The following RAB40B variants were observed in gnomAD, a reference collection of about 807,000 sequenced individuals.
RAB40B encodes the protein ras-related protein Rab-40B.
Under a neutral mutation model 24.0 loss-of-function variants are expected in RAB40B, and 21 were observed. The observed-to-expected ratio is 0.88, with a 90% CI of 0.62 to 1.26. RAB40B has a LOEUF of 1.26. RAB40B is among the 50% of genes most tolerant of loss of function. The pLI, the probability that RAB40B is intolerant of heterozygous loss-of-function variation, is 0.00. For missense variants in RAB40B, 348 were observed against 390.5 expected (o/e 0.89, Z 0.92); for synonymous variants, 167 against 169.8 (o/e 0.98, Z 0.13).
In RAB40B at chr17:82,663,741, G is replaced by A. The variant is rs749846155; in HGVS notation, c.203+755C>T. On this transcript the variant is annotated intron_variant, in intron 2 of 5. Coordinates refer to ENST00000571995, the MANE Select transcript of RAB40B (RefSeq NM_006822.3). The surrounding 1 kb of genome is among the most constrained non-coding windows in gnomAD (Gnocchi z 6.2). ...GCTCAGTGGCATCACTGAGCCAGGC[G>A]TGGGGGACCCAGGAGCCCCGGGCTG... is the stretch of plus-strand genomic sequence containing the variant. 9.2e-5 allele frequency among the ~76,000 whole-genome samples: 14 copies of A among 152,148 alleles called. No individual in the cohort carries two copies. The highest frequency in any genetic ancestry group is 8.8e-5 in the Non-Finnish European group (6 of 68,006).
intron 1 of RAB40B, among the ~76,000 whole-genome samples, chr17:82,689,480 A>C (rs140608099): frequency 2.6e-5 from 4 of 152,262 alleles, no homozygotes; most frequent in African/African-American, 9.6e-5. Flanking sequence ...GGGGTTACAG[A>C]AGTAACAGGT....
chr17:82,677,024 C>T (rs2143517083), intron 1 of RAB40B, among the ~76,000 whole-genome samples: 1 of 152,150 alleles, frequency 6.6e-6, no homozygotes, highest in South Asian at 2.1e-4. Flanking sequence ...TCTCGGCTCA[C>T]CGCAAGCTCC....
At position 82,685,241 on chromosome 17, in the gene RAB40B, A is replaced by AGGGAGG. The variant is rs2046486774; in HGVS notation, c.142+13208_142+13213dup. 1.2e-4 allele frequency among the ~76,000 whole-genome samples: 3 copies of AGGGAGG among 26,050 alleles called. No homozygotes were observed. In the Admixed American group the frequency reaches 1.4e-3, roughly 13 times the overall value. 17.1% of individuals were successfully genotyped at this position (26,050 alleles called of 152,430 possible). ...TGGGGAGGGGGAGGGAGGACGGAGG[A>AGGGAGG]GGGAGGGGGAGGGGGAAGTGGGCCA... is the stretch of plus-strand genomic sequence containing the variant. On this transcript the variant is annotated intron_variant, in intron 1 of 5. Coordinates refer to ENST00000571995, the MANE Select transcript of RAB40B (RefSeq NM_006822.3).
chr17:82,668,792 CGCG>C (rs1291968540), intron 1 of RAB40B, among the ~76,000 whole-genome samples: 1 of 152,222 alleles, frequency 6.6e-6, no homozygotes, highest in Non-Finnish European at 1.5e-5. Flanking sequence ...GGCAGCGGGC[CGCG>C]GCACGCAGGG....
chr17:82,686,480 G>A (rs1176599361), intron 1 of RAB40B, among the ~76,000 whole-genome samples: 1 of 152,192 alleles, frequency 6.6e-6, no homozygotes, highest in Non-Finnish European at 1.5e-5. Flanking sequence ...TAAATCCAAT[G>A]GCTAGTGTTC....
intron 1 of RAB40B, among the ~76,000 whole-genome samples, chr17:82,684,591 A>T (rs1304725870): frequency 6.6e-6 from 1 of 152,202 alleles, no homozygotes; most frequent in Admixed American, 6.5e-5. Flanking sequence ...CTGTCCCACA[A>T]TCAAAAGCAA....
chr17:82,657,860 T>G lies in RAB40B; in HGVS notation c.*3A>C, dbSNP rs566119292. On this transcript the variant is annotated 3_prime_UTR_variant, in exon 6 of 6. Coordinates refer to ENST00000571995, the MANE Select transcript of RAB40B (RefSeq NM_006822.3). The stretch of plus-strand genomic sequence containing the variant: ...TTCCGCCGTGTTTCTTTCAGTGCCT[T>G]CCTTAAGAAATTTTGCAGCTGTTTC... 29 of 1,523,924 alleles carry G rather than the reference T, an allele frequency of 1.9e-5. No individual in the cohort carries two copies. The Admixed American group carries it at 2.1e-4, about 11-fold the overall frequency. 94.4% of individuals were successfully genotyped at this position (1,523,924 alleles called of 1,614,324 possible).
intron 1 of RAB40B, 93 bp downstream of exon 1, chr17:82,698,362 C>CG: frequency 6.4e-6 from 5 of 781,106 alleles, no homozygotes; most frequent in South Asian, 5.5e-5. Flanking sequence ...CTCGCGTCCC[C>CG]GGACCCGGAC....
At chr17:82,673,701 G>A (rs1261116871) in intron 1 of RAB40B, among the ~76,000 whole-genome samples, 2 of 152,114 alleles carry the variant, frequency 1.3e-5, no homozygotes, top group Admixed American at 6.5e-5. Flanking sequence ...CCTCCTGGTG[G>A]GCATGGAGGC....
intron 1 of RAB40B, among the ~76,000 whole-genome samples, chr17:82,685,478 C>T (rs992289108): frequency 1.3e-5 from 2 of 152,232 alleles, no homozygotes; most frequent in South Asian, 4.2e-4. Context: ...CTGTGTAGCC[C>T]GTAGGGTCCC....
intron 1 of RAB40B, among the ~76,000 whole-genome samples, chr17:82,668,881 G>C (rs2046296553): frequency 6.6e-6 from 1 of 152,236 alleles, no homozygotes; most frequent in African/African-American, 2.4e-5. Flanking sequence ...CTTGGCAGCA[G>C]CCACTCTAGA....
chr17:82,693,345 G>A lies in RAB40B; in HGVS notation c.142+5110C>T, dbSNP rs79143585. Among the ~76,000 whole-genome samples, 1,195 of 152,174 alleles carry A rather than the reference G, an allele frequency of 7.9e-3. 14 individuals carry two copies. Among genetic ancestry groups the A allele is most frequent in the African/African-American group, 0.028 (1,153 of 41,518 alleles). On this transcript the variant is annotated intron_variant, in intron 1 of 5. Transcript: ENST00000571995. ...TTCCAAAGAGGAATTTCGCATAGAC[G>A]TATGAAAAGGTGCTCAGTCATCAGA...
intron 1 of RAB40B, among the ~76,000 whole-genome samples, chr17:82,686,305 T>G (rs2046501267): frequency 6.6e-6 from 1 of 151,902 alleles, no homozygotes; most frequent in African/African-American, 2.4e-5. Flanking sequence ...AGAGATGGGA[T>G]TTCCCCATGT....
At chr17:82,683,295 T>C (rs1381352358) in intron 1 of RAB40B, among the ~76,000 whole-genome samples, 1 of 152,112 alleles carries the variant, frequency 6.6e-6, no homozygotes, top group Non-Finnish European at 1.5e-5. Context: ...GGATGGTCTA[T>C]AAAAGAAAAA....
chr17:82,676,011 C>T (rs2046390181), intron 1 of RAB40B, among the ~76,000 whole-genome samples: 1 of 152,126 alleles, frequency 6.6e-6, no homozygotes, highest in African/African-American at 2.4e-5. Context: ...GCTGGTAAAG[C>T]ACAGACGCTG....
chr17:82,669,578 G>C (rs973573137), intron 1 of RAB40B, among the ~76,000 whole-genome samples: 1 of 152,290 alleles, frequency 6.6e-6, no homozygotes, highest in South Asian at 2.1e-4. Context: ...TCTTGAACCC[G>C]GGAGTTGGAG....
chr17:82,661,792 C>A (rs2046175537), intron 2 of RAB40B: 3 of 423,870 alleles, frequency 7.1e-6, no homozygotes, highest in Non-Finnish European at 9.3e-6. Context: ...AAGGCTGAGG[C>A]AGGAGAATTG....
At chr17:82,683,652 T>C (rs959919062) in intron 1 of RAB40B, among the ~76,000 whole-genome samples, 1 of 151,736 alleles carries the variant, frequency 6.6e-6, no homozygotes, top group Non-Finnish European at 1.5e-5. Flanking sequence ...ACTTTTCTTT[T>C]TTTAATTAGC....
intron 2 of RAB40B, chr17:82,661,811 C>G (rs991361263): frequency 1.6e-6 from 1 of 619,778 alleles, no homozygotes. Flanking sequence ...TGTTTGAGCC[C>G]GGCAGGCGGA....
Sources: allele counts gnomAD v4.1 joint callset (sites outside exome capture counted in the v4.1 genomes callset), GRCh38; gene constraint gnomAD v4.1.1; non-coding constraint Gnocchi (gnomAD v3.1); transcripts MANE v1.5; gene names NCBI Gene and HGNC (gene_info 2026-07-23, HGNC 2026-07-21).